RPUSD2: variants seen among roughly 807,000 people sequenced by gnomAD.
The protein encoded by RPUSD2 is RNA pseudouridine synthase domain containing 2.
In RPUSD2, 31 loss-of-function variants were observed where a neutral mutation model predicts 41.5. That is an observed-to-expected ratio of 0.75 (90% CI 0.56 to 1.01). The LOEUF is 1.01. RPUSD2 is among the 50% of genes least tolerant of loss of function. The pLI is 0.00. For synonymous variants in RPUSD2, 305 were observed against 289.7 expected (o/e 1.05, Z -0.54); for missense variants, 749 against 724.7 (o/e 1.03, Z -0.38).
At position 40,574,256 on chromosome 15, in the gene RPUSD2, G is replaced by A. The variant is rs906481015; in HGVS notation, c.1633G>A (p.Asp545Asn). 1.9e-6 allele frequency: 3 copies of A among 1,609,440 alleles called. No individual in the cohort carries two copies. The highest frequency in any genetic ancestry group is 1.7e-6 in the Non-Finnish European group (2 of 1,178,530). The change falls in exon 3 of 3, where the codon GAC becomes AAC. Residue 545 changes from aspartate to asparagine, a missense_variant. By Grantham distance (23) the Asp-to-Asn change is conservative. Transcript: ENST00000315616. ...CTGGGCACAGGATGACTGGCAAAAG[G>A]ACTGAGGGTGTGGCCAATGGAGGGA... ...PAWAQDDWQKD is the reference protein window; with the variant it reads ...PAWAQDDWQKN
Position 40,573,975 on chromosome 15 carries a change from A to G in RPUSD2, c.1352A>G (p.Lys451Arg), listed in dbSNP as rs913928417. ...ACGGCCCCCTCCTCAGAGTTGGGCA[A>G]GGACGACCTGGAAGAGTTGGCTGCA... ...DSTAPSSELG[K>R]DDLEELAAAA... is the part of the protein sequence containing the mutation. The change falls in exon 3 of 3, where the codon AAG becomes AGG. Residue 451 changes from lysine to arginine, a missense_variant. Coordinates refer to ENST00000315616, the MANE Select transcript of RPUSD2 (RefSeq NM_152260.3). 2 of 1,614,014 alleles carry G rather than the reference A, an allele frequency of 1.2e-6. No individual in the cohort carries two copies. Among genetic ancestry groups the G allele is most frequent in the Middle Eastern group, 1.6e-4 (1 of 6,084 alleles).
In RPUSD2 at chr15:40,574,210, G is replaced by T. The variant is rs1566990723; in HGVS notation, c.1587G>T (p.Glu529Asp). 2 of 1,613,336 alleles carry T rather than the reference G, an allele frequency of 1.2e-6. No individual in the cohort carries two copies. The highest frequency in any genetic ancestry group is 1.7e-6 in the Non-Finnish European group (2 of 1,180,006). Residue 529 changes from glutamate to aspartate, a missense_variant, in exon 3 of 3, where the codon GAG becomes GAT. Coordinates refer to ENST00000315616, the MANE Select transcript of RPUSD2 (RefSeq NM_152260.3). Reference sequence around the variant, plus strand: ...TACGCTATAAAGGGCCAGGCTTTGAGTACTTTTCACCAATGCCTGCCTGGG... The same window carrying T: ...TACGCTATAAAGGGCCAGGCTTTGATTACTTTTCACCAATGCCTGCCTGGG... ...HALRYKGPGF[E>D]YFSPMPAWAQ...
chr15:40,569,503 A>T lies in RPUSD2; in HGVS notation c.166A>T (p.Asn56Tyr). ...EGGLRASHQQ[N>Y]GDAGGDAKVE... ...CGGGCTGAGGGCTTCGCATCAGCAA[A>T]ACGGTGACGCTGGTGGCGACGCGAA... Residue 56 changes from asparagine to tyrosine, a missense_variant, in exon 1 of 3, where the codon AAC (asparagine) becomes TAC (tyrosine). Transcript: ENST00000315616. 2 of 1,552,126 alleles carry T rather than the reference A, an allele frequency of 1.3e-6. No homozygotes were observed. The highest frequency in any genetic ancestry group is 1.7e-6 in the Non-Finnish European group (2 of 1,154,540).
At position 40,569,847 on chromosome 15, in the gene RPUSD2, C is replaced by T; in HGVS notation, c.510C>T (p.Phe170=). The T allele has an allele frequency of 6.2e-7, 1 of 1,612,002 alleles. No homozygotes were observed. The highest frequency in any genetic ancestry group is 8.5e-7 in the Non-Finnish European group (1 of 1,179,354). ...HSLLHVFSTE[F]RAQPLAYYEA... is the part of the protein sequence containing the mutation. ...TGCTGCACGTCTTCAGTACCGAGTT[C>T]CGAGCTCAGCCCCTGGCCTACTATG... is the stretch of plus-strand genomic sequence containing the variant. Residue 170 remains phenylalanine, a synonymous_variant, in exon 1 of 3, where the codon TTC becomes TTT. Transcript: ENST00000315616.
intron 1 of RPUSD2, among the ~76,000 whole-genome samples, chr15:40,571,193 T>A (rs1010821699): frequency 1.3e-5 from 2 of 152,156 alleles, no homozygotes; most frequent in Non-Finnish European, 2.9e-5. Flanking sequence ...AGTTTGACCA[T>A]GTTAGCCAGG....
chr15:40,573,449 C>A, intron 2 of RPUSD2, 78 bp from the exon 3 acceptor site: 1 of 1,497,176 alleles, frequency 6.7e-7, no homozygotes. Context: ...TGACACTGGT[C>A]CTTATCACTC....
intron 2 of RPUSD2, 111 bp from the exon 3 acceptor site, chr15:40,573,416 G>A: frequency 2.5e-6 from 3 of 1,218,114 alleles, no homozygotes; most frequent in Non-Finnish European, 3.5e-6. Flanking sequence ...CTGGCGAATG[G>A]TAGAGCTGGA....
At position 40,569,556 on chromosome 15, in the gene RPUSD2, G is replaced by T; in HGVS notation, c.219G>T (p.Lys73Asn). 1 of 1,532,434 alleles carries T rather than the reference G, an allele frequency of 6.5e-7. No homozygotes were observed. The allele number at this position is 1,532,434 out of a possible 1,614,324, so 94.9% of individuals were successfully genotyped here. A position where few individuals can be genotyped will look rare whatever the true frequency, so the allele number is the denominator to read the frequency against. The change falls in exon 1 of 3, where the codon AAG (lysine) becomes AAT (asparagine). Residue 73 changes from lysine (K) to asparagine (N), a missense_variant. Transcript: ENST00000315616. ...TTGAGCTGTCCCCCGGGCCCCCGAA[G>T]CCGGCTGGCCGGGAAGTGGAGCCGG... ...AKVELSPGPPKPAGREVEPAP... is the reference protein window; with the variant it reads ...AKVELSPGPPNPAGREVEPAP...
At position 40,574,176 on chromosome 15, in the gene RPUSD2, T is replaced by C; in HGVS notation, c.1553T>C (p.Leu518Pro). 6.2e-7 allele frequency: 1 copy of C among 1,614,090 alleles called. No individual in the cohort carries two copies. Among genetic ancestry groups the C allele is most frequent in the Non-Finnish European group, 8.5e-7 (1 of 1,180,020 alleles). The stretch of plus-strand genomic sequence containing the variant: ...TTGCCCCAAGACCTTGTGATGTTCC[T>C]ACATGCCCTACGCTATAAAGGGCCA... ...DPLPQDLVMF[L>P]HALRYKGPGF... The change falls in exon 3 of 3, where the codon CTA becomes CCA. Residue 518 changes from leucine (L) to proline (P), a missense_variant. Physicochemically the swap from Leu to Pro is moderately conservative, Grantham distance 98. Transcript: ENST00000315616.
chr15:40,569,671 C>T lies in RPUSD2; in HGVS notation c.334C>T (p.Pro112Ser), dbSNP rs781734650. Residue 112 changes from proline to serine, a missense_variant, in exon 1 of 3, where the codon CCG becomes TCG. Physicochemically the swap from Pro to Ser is moderately conservative, Grantham distance 74. Transcript: ENST00000315616. ...GGGCGCAACCAGGGAGCGTGTCGTG[C>T]CGCCCCCGAAGAAGCGGCGGACCGG... Reference protein sequence around the residue: ...RRGATRERVVPPPKKRRTGVS... With the variant: ...RRGATRERVVSPPKKRRTGVS... 1 of 1,552,188 alleles carries T rather than the reference C, an allele frequency of 6.4e-7. No individual in the cohort carries two copies.
In RPUSD2 at chr15:40,569,576, A is replaced by T. The variant is rs777588636; in HGVS notation, c.239A>T (p.Glu80Val). The T allele has an allele frequency of 6.5e-7, 1 of 1,534,652 alleles. No homozygotes were observed. Among genetic ancestry groups the T allele is most frequent in the Non-Finnish European group, 8.8e-7 (1 of 1,142,436 alleles). Residue 80 changes from glutamate (E) to valine (V), a missense_variant, in exon 1 of 3, where the codon GAG becomes GTG. Physicochemically the swap from Glu to Val is moderately radical, Grantham distance 121. Transcript: ENST00000315616. ...GPPKPAGREV[E>V]PAPVGGEHPS... The stretch of plus-strand genomic sequence containing the variant: ...CCGAAGCCGGCTGGCCGGGAAGTGG[A>T]GCCGGCCCCAGTAGGCGGGGAGCAT...
chr15:40,571,029 G>A (rs1891126093), intron 1 of RPUSD2, among the ~76,000 whole-genome samples: 1 of 148,626 alleles, frequency 6.7e-6, no homozygotes, highest in Admixed American at 6.7e-5. Flanking sequence ...GTCTTGCTCT[G>A]TTGCCCAGGC....
Position 40,569,322 on chromosome 15 carries a change from T to TG in RPUSD2, c.-11dup, listed in dbSNP as rs762954596. On this transcript the variant is annotated 5_prime_UTR_variant, in exon 1 of 3. Coordinates refer to ENST00000315616, the MANE Select transcript of RPUSD2 (RefSeq NM_152260.3). ...TCAGATCGCGACCCTGGGAGTGGAG[T>TG]GGGGGCAGCGTGGTTATGTGGCTGG... 3.5e-6 allele frequency: 5 copies of TG among 1,438,274 alleles called. No homozygotes were observed. The highest frequency in any genetic ancestry group is 3.3e-5 in the South Asian group (2 of 60,124). The allele number at this position is 1,438,274 out of a possible 1,614,324, so 89.1% of individuals were successfully genotyped here.
rs1040236596 is a variant in RPUSD2 at position 40,571,966 on chromosome 15, C to T, written c.903+66C>T. 20 of 1,513,476 alleles carry T rather than the reference C, an allele frequency of 1.3e-5. 1 individual carries two copies. The Middle Eastern group carries it at 7.0e-4, about 53-fold the overall frequency. 93.8% of individuals were successfully genotyped at this position (1,513,476 alleles called of 1,614,324 possible). ...TCACGAATGCTCTGTGTCAAAAGGG[C>T]ATCATGGAGTTCCGAAGTGGTCCTT... On this transcript the variant is annotated intron_variant, in intron 2 of 2. Transcript: ENST00000315616.
Position 40,569,916 on chromosome 15 carries a change from G to A in RPUSD2, c.579G>A (p.Pro193=). ...RAGRLQLNEK[P]VQDLNIVLKD... Reference sequence around the variant, plus strand: ...GCCGCCTGCAACTCAACGAGAAGCCGGTGCAGGACCTCAACATCGTGCTCA... The same window carrying A: ...GCCGCCTGCAACTCAACGAGAAGCCAGTGCAGGACCTCAACATCGTGCTCA... Residue 193 remains proline (P), a synonymous_variant, in exon 1 of 3, where the codon CCG becomes CCA. Transcript: ENST00000315616. 3 of 1,558,574 alleles carry A rather than the reference G, an allele frequency of 1.9e-6. No individual in the cohort carries two copies. The South Asian group carries it at 3.5e-5, about 18-fold the overall frequency.
rs774495031 is a variant in RPUSD2 at position 40,574,038 on chromosome 15, C to T, written c.1415C>T (p.Pro472Leu). ...ATGGAGGAAGTAGCTGAGGCAGCCC[C>T]TCAGGAGTTGGACACAATAGCCTTG... ...QKMEEVAEAA[P>L]QELDTIALAS... Residue 472 changes from proline to leucine, a missense_variant, in exon 3 of 3, where the codon CCT becomes CTT. Pro to Leu is a moderately conservative substitution (Grantham distance 98, BLOSUM62 -3). Coordinates refer to ENST00000315616, the MANE Select transcript of RPUSD2 (RefSeq NM_152260.3). 9 of 1,614,024 alleles carry T rather than the reference C, an allele frequency of 5.6e-6. No individual in the cohort carries two copies. Among genetic ancestry groups the T allele is most frequent in the African/African-American group, 1.3e-5 (1 of 74,920 alleles).
Position 40,574,524 on chromosome 15 carries a change from A to C in RPUSD2, c.*263A>C. ...ACTGATGTAAAATTCACATAACATA[A>C]AATTAACCACTTTAACTAGCCAGGC... On this transcript the variant is annotated 3_prime_UTR_variant, in exon 3 of 3. Transcript: ENST00000315616. 1 of 337,366 alleles carries C rather than the reference A, an allele frequency of 3.0e-6. No individual in the cohort carries two copies. Among genetic ancestry groups the C allele is most frequent in the Non-Finnish European group, 5.5e-6 (1 of 182,330 alleles). The allele number at this position is 337,366 out of a possible 1,614,324, so 20.9% of individuals were successfully genotyped here.
chr15:40,569,411 C>T lies in RPUSD2; in HGVS notation c.74C>T (p.Thr25Ile), dbSNP rs760005167. The stretch of plus-strand genomic sequence containing the variant: ...TACGACCTTAGGCGCCCTAGCTTTA[C>T]CAGGACTTGGAGTGGCGATAAGGGC... The part of the protein sequence containing the change: ...WRYDLRRPSF[T>I]RTWSGDKGPM... The change falls in exon 1 of 3, where the codon ACC (threonine) becomes ATC (isoleucine). Residue 25 changes from threonine to isoleucine, a missense_variant. By Grantham distance (89) the Thr-to-Ile change is moderately conservative. Transcript: ENST00000315616. 39 of 1,539,968 alleles carry T rather than the reference C, an allele frequency of 2.5e-5. No individual in the cohort carries two copies. Among genetic ancestry groups the T allele is most frequent in the Non-Finnish European group, 2.9e-5 (33 of 1,150,200 alleles).
chr15:40,572,030 A>G (rs1341994325), intron 2 of RPUSD2, 130 bp downstream of exon 2: 2 of 977,228 alleles, frequency 2.0e-6, no homozygotes, highest in Non-Finnish European at 3.0e-6. Context: ...TCCTACCTTA[A>G]GGCAGGTCAA....
Sources: allele counts gnomAD v4.1 joint callset (sites outside exome capture counted in the v4.1 genomes callset), GRCh38; gene constraint gnomAD v4.1.1; transcripts MANE v1.5; gene names NCBI Gene and HGNC (gene_info 2026-07-23, HGNC 2026-07-21).